The following C7 variants were observed in gnomAD, a reference collection of about 807,000 sequenced individuals.
The protein encoded by C7 is complement component C7.
C7 carries 83 observed loss-of-function variants against 104.8 expected under a neutral mutation model. The observed-to-expected ratio is 0.79, with a 90% CI of 0.66 to 0.95. The LOEUF is 0.95. C7 is among the 40% of genes least tolerant of loss of function. The pLI is 0.00. For missense variants in C7, 1,070 were observed against 1,011.2 expected (o/e 1.06, Z -0.79); for synonymous variants, 415 against 360.6 (o/e 1.15, Z -1.71).
intron 1 of C7, among the ~76,000 whole-genome samples, chr5:40,912,563 G>GTGA (rs1554040493): frequency 2.0e-5 from 3 of 151,798 alleles, no homozygotes; most frequent in Admixed American, 6.6e-5. Context: ...ATTTTTTGTT[G>GTGA]CAACAGGCTG....
intron 9 of C7, among the ~76,000 whole-genome samples, chr5:40,953,553 A>G (rs1740222311): frequency 6.8e-6 from 1 of 146,638 alleles, no homozygotes; most frequent in Non-Finnish European, 1.5e-5. Flanking sequence ...AGGCAGGAGA[A>G]TTGCTTGAAC....
chr5:40,981,046 G>A (rs184474977), intron 17 of C7, among the ~76,000 whole-genome samples: 17 of 152,160 alleles, frequency 1.1e-4, no homozygotes, highest in Non-Finnish European at 2.9e-5. Flanking sequence ...TTTGAGTCTT[G>A]ACTTGGTTCT....
intron 16 of C7, among the ~76,000 whole-genome samples, chr5:40,979,129 G>T (rs138635773): frequency 6.6e-6 from 1 of 151,830 alleles, no homozygotes; most frequent in Non-Finnish European, 1.5e-5. Context: ...ATCCACCTGC[G>T]TTGGCCTCCC....
At chr5:40,930,498 A>G (rs2443039) in intron 2 of C7, among the ~76,000 whole-genome samples, 75,758 of 151,086 alleles carry the variant, frequency 0.5, 20,594 homozygotes, top group African/African-American at 0.74. Context: ...AAGCAACCAT[A>G]CCCGGCCAAT....
At chr5:40,939,883 T>C (rs1419250170) in intron 6 of C7, among the ~76,000 whole-genome samples, 1 of 152,206 alleles carries the variant, frequency 6.6e-6, no homozygotes, top group Non-Finnish European at 1.5e-5. Context: ...GCTTGGTCTT[T>C]AGATTGACAA....
At chr5:40,936,525 G>A (rs753047898) in intron 5 of C7, 40 bp downstream of exon 5, 3 of 1,576,866 alleles carry the variant, frequency 1.9e-6, no homozygotes, top group South Asian at 1.2e-5. Context: ...TCAGTGAATT[G>A]TAGTTTTAAA....
intron 1 of C7, among the ~76,000 whole-genome samples, chr5:40,922,601 T>C (rs1739463937): frequency 6.7e-6 from 1 of 149,850 alleles, no homozygotes; most frequent in Admixed American, 6.8e-5. Context: ...CTAAGGAGGC[T>C]GAGGCAGGAG....
intron 12 of C7, 135 bp downstream of exon 12, chr5:40,959,755 A>T: frequency 1.6e-6 from 1 of 642,194 alleles, no homozygotes; most frequent in Non-Finnish European, 2.5e-6. Flanking sequence ...TTTGTCCCTT[A>T]GCACTAGGGT....
chr5:40,976,849 C>A lies in C7; in HGVS notation c.2165+9C>A. 6.3e-7 allele frequency: 1 copy of A among 1,577,076 alleles called. No homozygotes were observed. Among genetic ancestry groups the A allele is most frequent in the South Asian group, 1.2e-5 (1 of 85,604 alleles). On this transcript the variant is annotated intron_variant, in intron 16 of 17. Transcript: ENST00000313164. ...ATGCCCTACGAATGTGGGTAAGTGC[C>A]GCCTTTGCTCATTTCTCTGTTTTAT...
rs761883322 is a variant in C7, at chr5:40,934,421, TGTC to T, written c.236_238del (p.Cys79_Pro80delinsSer). On this transcript the variant is annotated inframe_deletion, in exon 4 of 18. Transcript: ENST00000313164. ...ACAGTCCTGTGAACCTACAAGAGGA[TGTC>T]CAACAGAGGAGGGATGTGGAGAGCG... The T allele has an allele frequency of 6.2e-7, 1 of 1,613,806 alleles. No individual in the cohort carries two copies. The highest frequency in any genetic ancestry group is 1.1e-5 in the South Asian group (1 of 91,076).
intron 5 of C7, among the ~76,000 whole-genome samples, chr5:40,936,816 A>G (rs917770277): frequency 1.3e-5 from 2 of 152,158 alleles, no homozygotes; most frequent in African/African-American, 4.8e-5. Context: ...GAGAAAAAAT[A>G]CTAATTCAAT....
At chr5:40,980,134 G>A in intron 17 of C7, 2 of 378,928 alleles carry the variant, frequency 5.3e-6, no homozygotes, top group Non-Finnish European at 4.7e-6. Context: ...ATGTGGAAAT[G>A]TTCTCCCAAA....
chr5:40,933,450 A>T (rs1739739232), intron 3 of C7, among the ~76,000 whole-genome samples: 1 of 152,018 alleles, frequency 6.6e-6, no homozygotes, highest in Admixed American at 6.6e-5. Context: ...TTTTGTTTGA[A>T]TGTTAGATAC....
intron 1 of C7, among the ~76,000 whole-genome samples, chr5:40,912,676 C>T (rs188099572): frequency 6.6e-6 from 1 of 152,268 alleles, no homozygotes; most frequent in East Asian, 1.9e-4. Flanking sequence ...TTTTAAAACA[C>T]CTGTGACAGA....
chr5:40,976,757 G>A lies in C7; in HGVS notation c.2082G>A (p.Pro694=), dbSNP rs367904690. Residue 694 remains proline (P), a synonymous_variant, in exon 16 of 18, where the codon CCG becomes CCA. Coordinates refer to ENST00000313164, the MANE Select transcript of C7 (RefSeq NM_000587.4). ...TCCCTTATCCTTTTTTAGAAAATCCGTTAACACAGGCAGTGCCTAAATGTC... is the reference window on the plus strand; with the variant it reads ...TCCCTTATCCTTTTTTAGAAAATCCATTAACACAGGCAGTGCCTAAATGTC... The part of the protein sequence containing the change: ...KNARCVQKEN[P]LTQAVPKCQR... The A allele has an allele frequency of 2.6e-5, 41 of 1,594,926 alleles. No individual in the cohort carries two copies. Among genetic ancestry groups the A allele is most frequent in the Non-Finnish European group, 3.2e-5 (37 of 1,170,062 alleles).
At position 40,984,005 on chromosome 5, in the gene C7, T is replaced by C. The variant is rs115086961; in HGVS notation, c.*2432T>C. Among the ~76,000 whole-genome samples the C allele has an allele frequency of 5.4e-3, 821 of 152,170 alleles. 8 individuals are homozygous for C. The highest frequency in any genetic ancestry group is 0.019 in the African/African-American group (777 of 41,526). On this transcript the variant is annotated 3_prime_UTR_variant, in exon 18 of 18. Coordinates refer to ENST00000313164, the MANE Select transcript of C7 (RefSeq NM_000587.4). ...TTAATCATCACTAGCTTCAGGGAGC[T>C]ATGTGGAGGCCAAGGCACATCCTAC... is the stretch of plus-strand genomic sequence containing the variant.
intron 1 of C7, among the ~76,000 whole-genome samples, chr5:40,926,755 A>C (rs907625543): frequency 1.3e-5 from 2 of 152,206 alleles, no homozygotes; most frequent in Non-Finnish European, 2.9e-5. Context: ...ATTGAAGAAG[A>C]CATAAACAAA....
intron 14 of C7, among the ~76,000 whole-genome samples, chr5:40,967,280 G>A (rs1740577108): frequency 6.6e-6 from 1 of 152,028 alleles, no homozygotes; most frequent in African/African-American, 2.4e-5. Context: ...TGGCCAGGAT[G>A]GTCTCCATCT....
At chr5:40,976,942 G>C in intron 16 of C7, 102 bp downstream of exon 16, 1 of 871,850 alleles carries the variant, frequency 1.1e-6, no homozygotes, top group Non-Finnish European at 1.8e-6. Context: ...AGCTTACCAA[G>C]AGTTAAGGGT....
Sources: allele counts gnomAD v4.1 joint callset (sites outside exome capture counted in the v4.1 genomes callset), GRCh38; gene constraint gnomAD v4.1.1; transcripts MANE v1.5; gene names NCBI Gene and HGNC (gene_info 2026-07-23, HGNC 2026-07-21).